Variants in SPMIP4 observed in about 807,000 individuals in gnomAD.
The protein encoded by SPMIP4 is sperm-associated microtubule inner protein 4.
chr7:25,149,549 GAAAT>G, the SPMIP4 span, among the ~76,000 whole-genome samples: 5 of 152,094 alleles, frequency 3.3e-5, no homozygotes, highest in Admixed American at 6.5e-5. Context: ...TCAGAAATAA[GAAAT>G]AAATAAATAA....
At chr7:25,159,873 C>A in the SPMIP4 span, among the ~76,000 whole-genome samples, 4 of 151,602 alleles carry the variant, frequency 2.6e-5, no homozygotes, top group Non-Finnish European at 4.4e-5. Flanking sequence ...AATAGATTGG[C>A]AACTATATAT....
At chr7:25,136,901 T>A in the SPMIP4 span, 1 of 1,085,732 alleles carries the variant, frequency 9.2e-7, no homozygotes, top group Non-Finnish European at 1.3e-6. The surrounding 1 kb of genome is among the most constrained non-coding windows in gnomAD (Gnocchi z 5.7). Context: ...GAGATGGGCA[T>A]AGGAGTGTAC....
At chr7:25,127,832 C>G in the SPMIP4 span, among the ~76,000 whole-genome samples, 1 of 151,986 alleles carries the variant, frequency 6.6e-6, no homozygotes, top group Admixed American at 6.6e-5. Context: ...TTGTATCCAC[C>G]CTTCTTGGGA....
At chr7:25,170,181 C>T in the SPMIP4 span, among the ~76,000 whole-genome samples, 1 of 148,116 alleles carries the variant, frequency 6.8e-6, no homozygotes, top group African/African-American at 2.7e-5. Flanking sequence ...CCAGTATCTC[C>T]ACATCTTTGC....
the SPMIP4 span, among the ~76,000 whole-genome samples, chr7:25,170,089 G>C: frequency 3.3e-5 from 5 of 152,250 alleles, no homozygotes; most frequent in Middle Eastern, 6.8e-3. Flanking sequence ...TGGTGATTCT[G>C]TTTAACTTGT....
chr7:25,130,221 G>C, the SPMIP4 span, among the ~76,000 whole-genome samples: 1 of 151,360 alleles, frequency 6.6e-6, no homozygotes, highest in Non-Finnish European at 1.5e-5. Context: ...TCCAACCTGG[G>C]CGACAGAGAA....
chr7:25,132,254 T>A, the SPMIP4 span, among the ~76,000 whole-genome samples: 2 of 152,186 alleles, frequency 1.3e-5, no homozygotes, highest in Non-Finnish European at 2.9e-5. This position sits in a 1 kb window ranked among gnomAD's most constrained non-coding sequence, Gnocchi z 5.0. Context: ...ATTGGTCGGG[T>A]GTGAGCTAAG....
chr7:25,162,719 T>TA, the SPMIP4 span, among the ~76,000 whole-genome samples: 4 of 152,160 alleles, frequency 2.6e-5, no homozygotes, highest in African/African-American at 4.8e-5. Flanking sequence ...CACTAAGGTT[T>TA]AAAAAAATCC....
At chr7:25,150,439 A>G in the SPMIP4 span, among the ~76,000 whole-genome samples, 14 of 152,226 alleles carry the variant, frequency 9.2e-5, no homozygotes, top group African/African-American at 3.4e-4. Context: ...GACTTACTTT[A>G]TAGATGACTC....
the SPMIP4 span, chr7:25,135,102 T>TTGG: frequency 5.5e-6 from 2 of 364,356 alleles, no homozygotes; most frequent in Non-Finnish European, 7.6e-6. Context: ...AATCTACCTC[T>TTGG]TGGCACATTA....
At chr7:25,135,151 AG>A in the SPMIP4 span, 1 of 366,758 alleles carries the variant, frequency 2.7e-6, no homozygotes, top group Non-Finnish European at 3.8e-6. Flanking sequence ...CCAAACTCTT[AG>A]AGAACACACT....
the SPMIP4 span, among the ~76,000 whole-genome samples, chr7:25,156,947 A>G: frequency 6.6e-6 from 1 of 152,126 alleles, no homozygotes; most frequent in African/African-American, 2.4e-5. Flanking sequence ...TCGGCCTCCC[A>G]AAGTGCTGGG....
At chr7:25,128,473 C>A in the SPMIP4 span, among the ~76,000 whole-genome samples, 7 of 152,350 alleles carry the variant, frequency 4.6e-5, no homozygotes, top group Admixed American at 1.3e-4. This position sits in a 1 kb window ranked among gnomAD's most constrained non-coding sequence, Gnocchi z 4.5. Flanking sequence ...TTCCCCATGA[C>A]CACCATTGCA....
the SPMIP4 span, among the ~76,000 whole-genome samples, chr7:25,144,062 A>ACAG: frequency 1.3e-5 from 2 of 152,168 alleles, no homozygotes; most frequent in African/African-American, 4.8e-5. Context: ...GGCCAAAGGA[A>ACAG]CAGCAGGAGC....
chr7:25,158,282 C>T, the SPMIP4 span, among the ~76,000 whole-genome samples: 1 of 150,922 alleles, frequency 6.6e-6, no homozygotes, highest in Non-Finnish European at 1.5e-5. Flanking sequence ...GTGGAAGGAT[C>T]ACCTCATCCC....
At chr7:25,162,119 A>G in the SPMIP4 span, among the ~76,000 whole-genome samples, 1 of 151,794 alleles carries the variant, frequency 6.6e-6, no homozygotes, top group African/African-American at 2.4e-5. Flanking sequence ...AAAATAGAAA[A>G]AATTTGCTGG....
At chr7:25,151,038 G>T in the SPMIP4 span, among the ~76,000 whole-genome samples, 1 of 152,080 alleles carries the variant, frequency 6.6e-6, no homozygotes, top group South Asian at 2.1e-4. Flanking sequence ...AGGGTTGGAG[G>T]AACACAGTGT....
chr7:25,170,395 T>C, the SPMIP4 span, among the ~76,000 whole-genome samples: 1 of 152,276 alleles, frequency 6.6e-6, no homozygotes, highest in Non-Finnish European at 1.5e-5. Flanking sequence ...GTCTTATTTT[T>C]GCGTTACAAG....
the SPMIP4 span, among the ~76,000 whole-genome samples, chr7:25,127,126 G>T: frequency 6.6e-6 from 1 of 152,084 alleles, no homozygotes; most frequent in East Asian, 1.9e-4. Context: ...CTTTATCCTG[G>T]ATCTTTGGGA....
Sources: gnomAD v4.1 joint callset for allele counts (sites outside exome capture counted in the v4.1 genomes callset) on GRCh38, gnomAD v4.1.1 for gene constraint, Gnocchi (gnomAD v3.1) non-coding constraint, MANE v1.5 for transcripts, NCBI Gene and HGNC (gene_info 2026-07-23, HGNC 2026-07-21) for gene names.